Variants in NLK observed in about 807,000 individuals in gnomAD.
The protein encoded by NLK is serine/threonine-protein kinase NLK.
A neutral mutation model predicts 59.0 loss-of-function variants in NLK; 11 were observed. That is an observed-to-expected ratio of 0.19 (90% confidence interval 0.12 to 0.31). The LOEUF is 0.31. NLK is among the 10% of genes least tolerant of loss of function. The probability of loss-of-function intolerance (pLI) is 1.00; values close to 1 mark genes in which losing one functional copy is unlikely to be tolerated. For synonymous variants in NLK, 235 were observed against 235.9 expected, an observed-to-expected ratio of 1.00 and a Z score of 0.03; for missense variants, 410 against 661.1, an observed-to-expected ratio of 0.62 and a Z score of 4.16.
At chr17:28,140,992 G>A (rs1906966320) in intron 3 of NLK, among the ~76,000 whole-genome samples, 1 of 152,118 alleles carries the variant, frequency 6.6e-6, no homozygotes, top group South Asian at 2.1e-4. Flanking sequence ...TCCTGTTCAT[G>A]GGTCCGTGTA....
intron 1 of NLK, among the ~76,000 whole-genome samples, chr17:28,079,034 C>T (rs1192851014): frequency 6.6e-6 from 1 of 152,118 alleles, no homozygotes; most frequent in Non-Finnish European, 1.5e-5. Context: ...AACAACTTCC[C>T]ATCCTCCCTA....
intron 8 of NLK, among the ~76,000 whole-genome samples, chr17:28,187,797 G>A (rs1450249536): frequency 6.6e-6 from 1 of 152,132 alleles, no homozygotes; most frequent in Admixed American, 6.5e-5. Flanking sequence ...AATGAAATTT[G>A]TGGTGTAGTT....
At chr17:28,135,688 A>G (rs1906714900) in intron 3 of NLK, among the ~76,000 whole-genome samples, 3 of 152,256 alleles carry the variant, frequency 2.0e-5, no homozygotes, top group South Asian at 2.1e-4. Flanking sequence ...GTTTCCATGT[A>G]AGATAATTGG....
chr17:28,201,549 AAG>A, the NLK span, among the ~76,000 whole-genome samples: 1 of 137,866 alleles, frequency 7.3e-6, no homozygotes, highest in African/African-American at 2.6e-5. Flanking sequence ...GTCAAAAAAA[AAG>A]AAAAGAAAAG....
rs370106101 is a variant in NLK at position 28,059,295 on chromosome 17, T to C, written c.458+15964T>C. ...TTGGTTTTGTTTTCTTATGTTTGGA[T>C]TTTTTATTTTTTTTTAAGAGTGAGA... is the stretch of plus-strand genomic sequence containing the variant. On this transcript the variant is annotated intron_variant, in intron 1 of 10. Coordinates refer to ENST00000407008, the MANE Select transcript of NLK (RefSeq NM_016231.5). Among the ~76,000 whole-genome samples the C allele has an allele frequency of 1.8e-3, 279 of 152,230 alleles. 1 individual carries two copies. Among genetic ancestry groups the C allele is most frequent in the African/African-American group, 6.3e-3 (262 of 41,536 alleles).
At chr17:28,128,033 A>G (rs1906361583) in intron 2 of NLK, among the ~76,000 whole-genome samples, 1 of 152,200 alleles carries the variant, frequency 6.6e-6, no homozygotes, top group Non-Finnish European at 1.5e-5. Context: ...TGACCATTTC[A>G]ATAAACAGTT....
intron 5 of NLK, among the ~76,000 whole-genome samples, chr17:28,168,228 C>T (rs1249042296): frequency 2.7e-5 from 4 of 150,290 alleles, no homozygotes; most frequent in South Asian, 2.1e-4. Context: ...CCCAGCTATT[C>T]GGGAGGCTGA....
At chr17:28,097,960 C>G (rs1904761476) in intron 1 of NLK, among the ~76,000 whole-genome samples, 1 of 152,086 alleles carries the variant, frequency 6.6e-6, no homozygotes, top group African/African-American at 2.4e-5. Context: ...ACCTAGTTGA[C>G]AAAAGTTTGT....
intron 3 of NLK, among the ~76,000 whole-genome samples, chr17:28,152,194 T>C (rs1907508401): frequency 1.3e-5 from 2 of 152,350 alleles, no homozygotes; most frequent in East Asian, 3.9e-4. Flanking sequence ...TTATAAAATA[T>C]CTGCTTAGAA....
At chr17:28,175,494 T>G (rs142476815) in intron 7 of NLK, among the ~76,000 whole-genome samples, 1,834 of 152,152 alleles carry the variant, frequency 0.012, 18 homozygotes, top group Middle Eastern at 0.041. Flanking sequence ...AGTTTCACCA[T>G]GTTGCACGTG....
chr17:28,190,236 A>T (rs1032193217), intron 8 of NLK, among the ~76,000 whole-genome samples: 1 of 152,190 alleles, frequency 6.6e-6, no homozygotes, highest in Non-Finnish European at 1.5e-5. Context: ...AAAAGAAGGG[A>T]CAATTTCTTT....
chr17:28,100,213 T>C (rs572961048), intron 1 of NLK, among the ~76,000 whole-genome samples: 2 of 152,338 alleles, frequency 1.3e-5, no homozygotes, highest in South Asian at 4.1e-4. Flanking sequence ...GAATTTCTAA[T>C]TCACATGGTA....
intron 3 of NLK, among the ~76,000 whole-genome samples, chr17:28,153,801 A>G (rs1907586433): frequency 6.6e-6 from 1 of 152,156 alleles, no homozygotes; most frequent in Non-Finnish European, 1.5e-5. Context: ...GCAAGTAGCA[A>G]TTTTTTATGT....
intron 1 of NLK, among the ~76,000 whole-genome samples, chr17:28,086,083 A>G (rs578105294): frequency 1.3e-5 from 2 of 152,346 alleles, no homozygotes; most frequent in East Asian, 3.9e-4. Flanking sequence ...CCCCCAAACC[A>G]GTAATACTTT....
chr17:28,061,929 ATATATAT>A (rs1909671017), intron 1 of NLK: 3 of 140,444 alleles, frequency 2.1e-5, no homozygotes, highest in Non-Finnish European at 3.0e-5. Flanking sequence ...ATACATATAT[ATATATAT>A]TTTTTTTTTT....
At chr17:28,143,901 C>T (rs35684400) in intron 3 of NLK, among the ~76,000 whole-genome samples, 2,494 of 152,274 alleles carry the variant, frequency 0.016, 64 homozygotes, top group African/African-American at 0.056. Context: ...TTCAGCAGTG[C>T]CTTATTATGA....
chr17:28,200,449 C>T (rs950314883), downstream of NLK, among the ~76,000 whole-genome samples: 8 of 152,224 alleles, frequency 5.3e-5, no homozygotes, highest in African/African-American at 1.7e-4. Flanking sequence ...TGTACACCAA[C>T]GAAAGAGTCA....
chr17:28,142,055 G>A (rs1427485349), intron 3 of NLK, among the ~76,000 whole-genome samples: 3 of 152,196 alleles, frequency 2.0e-5, no homozygotes, highest in Non-Finnish European at 4.4e-5. Context: ...TTGTAAAGGA[G>A]AGAGCTGAAG....
At chr17:28,184,520 G>A (rs918291789) in intron 7 of NLK, among the ~76,000 whole-genome samples, 1 of 152,092 alleles carries the variant, frequency 6.6e-6, no homozygotes, top group East Asian at 1.9e-4. Context: ...GTGTACGCAC[G>A]ATAAATAAAT....
Sources: gnomAD v4.1 joint callset for allele counts (sites outside exome capture counted in the v4.1 genomes callset) on GRCh38, gnomAD v4.1.1 for gene constraint, MANE v1.5 for transcripts, NCBI Gene and HGNC (gene_info 2026-07-23, HGNC 2026-07-21) for gene names.